The following WNT3A variants were observed in gnomAD, a reference collection of about 807,000 sequenced individuals.
WNT3A encodes the protein Wnt family member 3A, also known as protein Wnt-3a.
WNT3A carries 17 observed loss-of-function variants against 37.0 expected under a neutral mutation model. The ratio of observed to expected loss-of-function variants is 0.46; its 90% CI spans 0.31 to 0.69. The LOEUF (loss-of-function observed/expected upper bound fraction) is 0.69, where lower values mean the gene tolerates loss of function less well. WNT3A is among the 30% of genes least tolerant of loss of function. The pLI is 0.05. For missense variants in WNT3A, 411 were observed against 510.2 expected (o/e 0.81, Z 1.87); for synonymous variants, 187 against 211.0 (o/e 0.89, Z 0.99).
At chr1:228,055,529 TTAGA>T (rs1365666690) in intron 3 of WNT3A, among the ~76,000 whole-genome samples, 2 of 151,710 alleles carry the variant, frequency 1.3e-5, no homozygotes, top group South Asian at 2.1e-4. Flanking sequence ...GATAAATAGA[TTAGA>T]TAGATGGATG....
At chr1:228,028,420 G>A (rs1442917533) in intron 2 of WNT3A, among the ~76,000 whole-genome samples, 1 of 151,224 alleles carries the variant, frequency 6.6e-6, no homozygotes, top group Non-Finnish European at 1.5e-5. Context: ...CCCTGCCTCA[G>A]CCTCCCAAGT....
At chr1:228,057,193 C>G (rs940601434) in intron 3 of WNT3A, among the ~76,000 whole-genome samples, 2 of 152,142 alleles carry the variant, frequency 1.3e-5, no homozygotes, top group African/African-American at 4.8e-5. Context: ...TTAAAGTAGT[C>G]CCAATACCAC....
intron 2 of WNT3A, among the ~76,000 whole-genome samples, chr1:228,032,161 G>A (rs1164116998): frequency 6.6e-6 from 1 of 152,336 alleles, no homozygotes; most frequent in African/African-American, 2.4e-5. Flanking sequence ...GCCCATGGAC[G>A]GCATCAGCTC....
At chr1:228,054,501 G>A (rs2031624754) in intron 3 of WNT3A, among the ~76,000 whole-genome samples, 1 of 151,740 alleles carries the variant, frequency 6.6e-6, no homozygotes, top group Non-Finnish European at 1.5e-5. Context: ...GGTGGCAGGT[G>A]CCTGTAGTCC....
Position 228,040,885 on chromosome 1 carries a change from C to CAA in WNT3A, c.314-9756_314-9755dup, listed in dbSNP as rs11328093. The stretch of plus-strand genomic sequence containing the variant: ...TGGGCGACAGAACGAGACTCTATCT[C>CAA]AAAAAAAAAAAAAAAAGAATTTGGA... On this transcript the variant is annotated intron_variant, in intron 2 of 3. Coordinates refer to ENST00000284523, the MANE Select transcript of WNT3A (RefSeq NM_033131.4). Among the ~76,000 whole-genome samples the CAA allele has an allele frequency of 7.6e-3, 900 of 118,646 alleles. 14 individuals are homozygous for CAA. Among genetic ancestry groups the CAA allele is most frequent in the African/African-American group, 0.028 (851 of 30,588 alleles). The allele number at this position is 118,646 out of a possible 152,430, so 77.8% of individuals were successfully genotyped here.
In WNT3A at chr1:228,060,140, C is replaced by G. The variant is rs2031772528; in HGVS notation, c.*675C>G. ...ACCAGGCTCCAATGGGGCGGGGCTTCTCTCCGCGGGTGGGACTCTTCCCTG... is the reference window on the plus strand; with the variant it reads ...ACCAGGCTCCAATGGGGCGGGGCTTGTCTCCGCGGGTGGGACTCTTCCCTG... On this transcript the variant is annotated 3_prime_UTR_variant, in exon 4 of 4. Coordinates refer to ENST00000284523, the MANE Select transcript of WNT3A (RefSeq NM_033131.4). 4.5e-6 allele frequency: 6 copies of G among 1,342,632 alleles called. No homozygotes were observed. The highest frequency in any genetic ancestry group is 5.9e-6 in the Non-Finnish European group (6 of 1,015,966). 83.2% of individuals were successfully genotyped at this position (1,342,632 alleles called of 1,614,324 possible).
rs991746262 is a variant in WNT3A at position 228,042,140 on chromosome 1, C to T, written c.314-8516C>T. ...ACTACAGGTGCACGCCACCATGCCCCGCTGATTTTTGTATTTTTAGTAGAG... is the reference window on the plus strand; with the variant it reads ...ACTACAGGTGCACGCCACCATGCCCTGCTGATTTTTGTATTTTTAGTAGAG... On this transcript the variant is annotated intron_variant, in intron 2 of 3. Transcript: ENST00000284523. The surrounding 1 kb of genome is among the most constrained non-coding windows in gnomAD (Gnocchi z 5.2). 2.0e-5 allele frequency among the ~76,000 whole-genome samples: 3 copies of T among 151,972 alleles called. No homozygotes were observed. Among genetic ancestry groups the T allele is most frequent in the South Asian group, 4.1e-4 (2 of 4,822 alleles).
chr1:228,022,648 C>T lies in WNT3A; in HGVS notation c.72-19C>T, dbSNP rs541407192. The stretch of plus-strand genomic sequence containing the variant: ...GCTGTCCCAGCCCCACACTCACCAC[C>T]GGATCTTGCCCTCTGCAGGTCGCTG... On this transcript the variant is annotated intron_variant, in intron 1 of 3. Coordinates refer to ENST00000284523, the MANE Select transcript of WNT3A (RefSeq NM_033131.4). 3.9e-4 allele frequency: 621 copies of T among 1,603,392 alleles called. 4 individuals are homozygous for T. In the South Asian group the frequency reaches 6.5e-3, roughly 17 times the overall value.
In WNT3A at chr1:228,060,506, G is replaced by T. The variant is rs2031782326; in HGVS notation, c.*1041G>T. On this transcript the variant is annotated 3_prime_UTR_variant, in exon 4 of 4. Coordinates refer to ENST00000284523, the MANE Select transcript of WNT3A (RefSeq NM_033131.4). ...CAACCCCAAGACCAAGCTTAGTCCT[G>T]GGAGAGGACAGGGACTTCGCAGAGG... is the stretch of plus-strand genomic sequence containing the variant. 1 of 346,666 alleles carries T rather than the reference G, an allele frequency of 2.9e-6. No homozygotes were observed. The highest frequency in any genetic ancestry group is 5.6e-6 in the Non-Finnish European group (1 of 179,860). The allele number at this position is 346,666 out of a possible 1,614,324, so 21.5% of individuals were successfully genotyped here.
In WNT3A at chr1:228,038,525, T is replaced by C. The variant is rs1337018241; in HGVS notation, c.314-12131T>C. On this transcript the variant is annotated intron_variant, in intron 2 of 3. Coordinates refer to ENST00000284523, the MANE Select transcript of WNT3A (RefSeq NM_033131.4). This position sits in a 1 kb window ranked among gnomAD's most constrained non-coding sequence, Gnocchi z 5.7. ...CAGTGACCTGCAGGCCCCTGGCCAG[T>C]CTGGTCAGGTGGTCCTAGCTGGGAT... Among the ~76,000 whole-genome samples the C allele has an allele frequency of 6.6e-6, 1 of 152,160 alleles. No individual in the cohort carries two copies. Among genetic ancestry groups the C allele is most frequent in the East Asian group, 1.9e-4 (1 of 5,190 alleles).
intron 2 of WNT3A, among the ~76,000 whole-genome samples, chr1:228,030,564 C>T (rs1049095460): frequency 1.3e-5 from 2 of 152,162 alleles, no homozygotes; most frequent in Non-Finnish European, 2.9e-5. Flanking sequence ...GGCACTGAAC[C>T]TGCCAGTGCC....
chr1:228,036,809 G>T (rs1276078879), intron 2 of WNT3A, among the ~76,000 whole-genome samples: 1 of 152,200 alleles, frequency 6.6e-6, no homozygotes, highest in African/African-American at 2.4e-5. Flanking sequence ...GGCAGGGACG[G>T]CTGCAGTGGA....
chr1:228,022,435 A>T (rs942103609), intron 1 of WNT3A, among the ~76,000 whole-genome samples: 1 of 152,192 alleles, frequency 6.6e-6, no homozygotes, highest in Non-Finnish European at 1.5e-5. Context: ...AAAAAAGAAA[A>T]ATTAGAAGGC....
rs1391921028 is a variant in WNT3A at position 228,037,679 on chromosome 1, G to A, written c.314-12977G>A. 6.6e-6 allele frequency among the ~76,000 whole-genome samples: 1 copy of A among 152,200 alleles called. No homozygotes were observed. Among genetic ancestry groups the A allele is most frequent in the African/African-American group, 2.4e-5 (1 of 41,450 alleles). ...CGTTTAAGATGCGTTGGGGTGGGGG[G>A]CTCCCCTGGCTCCAGCGGCCTCTCT... On this transcript the variant is annotated intron_variant, in intron 2 of 3. Transcript: ENST00000284523. The surrounding 1 kb of genome is among the most constrained non-coding windows in gnomAD (Gnocchi z 4.1).
chr1:228,025,472 C>T (rs1413420567), intron 2 of WNT3A, among the ~76,000 whole-genome samples: 2 of 152,064 alleles, frequency 1.3e-5, no homozygotes, highest in Non-Finnish European at 2.9e-5. Context: ...CTTCAGCCTC[C>T]CAAGTAGCAG....
In WNT3A at chr1:228,034,947, G is replaced by A. The variant is rs549786862; in HGVS notation, c.313+12039G>A. Among the ~76,000 whole-genome samples, 7 of 152,260 alleles carry A rather than the reference G, an allele frequency of 4.6e-5. No individual in the cohort carries two copies. The East Asian group carries it at 1.4e-3, about 29-fold the overall frequency. ...TGGGACCCTTGGGGGTCTCCCATGG[G>A]TCTGGTGTGTGACAGCATCCCTATA... On this transcript the variant is annotated intron_variant, in intron 2 of 3. Coordinates refer to ENST00000284523, the MANE Select transcript of WNT3A (RefSeq NM_033131.4).
At chr1:228,025,072 T>G (rs568640382) in intron 2 of WNT3A, among the ~76,000 whole-genome samples, 3 of 152,272 alleles carry the variant, frequency 2.0e-5, no homozygotes, top group African/African-American at 7.2e-5. Flanking sequence ...CTGGGAAGAG[T>G]AAGTTTTCCA....
chr1:228,058,838 G>A, intron 3 of WNT3A, 148 bp from the exon 4 acceptor site: 1 of 771,558 alleles, frequency 1.3e-6, no homozygotes, highest in Non-Finnish European at 2.0e-6. Flanking sequence ...ATAGGAAGGG[G>A]GTGGCCCTGG....
chr1:228,058,924 G>C (rs961210487), intron 3 of WNT3A, 62 bp from the exon 4 acceptor site: 1 of 1,487,372 alleles, frequency 6.7e-7, no homozygotes, highest in South Asian at 1.3e-5. Flanking sequence ...ATGTAATGCT[G>C]TTTCCTCGGG....
Sources: gnomAD v4.1 joint callset for allele counts (sites outside exome capture counted in the v4.1 genomes callset) on GRCh38, gnomAD v4.1.1 for gene constraint, Gnocchi (gnomAD v3.1) non-coding constraint, MANE v1.5 for transcripts, NCBI Gene and HGNC (gene_info 2026-07-23, HGNC 2026-07-21) for gene names.